Variants in CCDC197 observed in about 807,000 individuals in gnomAD.
The protein encoded by CCDC197 is coiled-coil domain containing 197, also known as uncharacterized protein CCDC197.
CCDC197 carries 24 observed loss-of-function variants against 13.4 expected under a neutral mutation model. The ratio of observed to expected loss-of-function variants is 1.80; its 90% CI spans 1.30 to 2.53. The LOEUF (loss-of-function observed/expected upper bound fraction) is 2.53, where lower values mean the gene tolerates loss of function less well. CCDC197 is among the 30% of genes most tolerant of loss of function. The pLI, the probability that CCDC197 is intolerant of heterozygous loss-of-function variation, is 0.00. For missense variants in CCDC197, 255 were observed against 148.8 expected (o/e 1.71, Z -3.71); for synonymous variants, 99 against 55.5 (o/e 1.78, Z -3.48).
rs1487571988 is a variant in CCDC197 at position 94,001,179 on chromosome 14, G to A, written c.222G>A (p.Leu74=). The change falls in exon 4 of 7, where the codon CTG becomes CTA. Residue 74 remains leucine (L), a synonymous_variant. Transcript: ENST00000636493. The stretch of plus-strand genomic sequence containing the variant: ...GATGGGAGGAGCCGGAGGAGGTGCT[G>A]GTGGAGGCCACGGTGAAGCACTACG... ...CTGWEEPEEV[L]VEATVKHYGK... is the part of the protein sequence containing the mutation. 1 of 780,592 alleles carries A rather than the reference G, an allele frequency of 1.3e-6. No individual in the cohort carries two copies. The highest frequency in any genetic ancestry group is 1.7e-5 in the Admixed American group (1 of 58,992). The allele number at this position is 780,592 out of a possible 1,614,324, so 48.4% of individuals were successfully genotyped here.
chr14:93,993,486 C>T (rs1413278480), upstream of CCDC197, among the ~76,000 whole-genome samples: 6 of 152,226 alleles, frequency 3.9e-5, no homozygotes, highest in Non-Finnish European at 7.3e-5. Context: ...AACTGAAACT[C>T]AGAGAGGTCA....
At position 94,004,876 on chromosome 14, in the gene CCDC197, C is replaced by A. The variant is rs1180012276; in HGVS notation, c.520C>A (p.Gln174Lys). The A allele has an allele frequency of 2.8e-5, 20 of 702,892 alleles. No homozygotes were observed. The African/African-American group carries it at 3.3e-4, about 12-fold the overall frequency. The allele number at this position is 702,892 out of a possible 1,614,324, so 43.5% of individuals were successfully genotyped here. The part of the protein sequence containing the change: ...SYNDQLLGYM[Q>K]MTITNMARQC... ...GCAGGATCAGCTGCTCGGCTACATG[C>A]AAATGACCATCACCAACATGGCCCG... Residue 174 changes from glutamine (Q) to lysine (K), a missense_variant, in exon 6 of 7, where the codon CAA (glutamine) becomes AAA (lysine). Coordinates refer to ENST00000636493, the MANE Select transcript of CCDC197 (RefSeq NM_001351596.2).
chr14:94,001,152 G>C lies in CCDC197; in HGVS notation c.195G>C (p.Thr65=), dbSNP rs144080241. 1.3e-3 allele frequency: 1,036 copies of C among 778,638 alleles called. 3 individuals carry two copies. Among genetic ancestry groups the C allele is most frequent in the Non-Finnish European group, 2.1e-3 (863 of 417,100 alleles). The allele number at this position is 778,638 out of a possible 1,614,324, so 48.2% of individuals were successfully genotyped here. A position where few individuals can be genotyped will look rare whatever the true frequency, so the allele number is the denominator to read the frequency against. The change falls in exon 4 of 7, where the codon ACG becomes ACC. Residue 65 remains threonine, a synonymous_variant. Transcript: ENST00000636493. ...ATGGCGCTGTCTCCGTAGGCTGCAC[G>C]GGATGGGAGGAGCCGGAGGAGGTGC... ...KVLEKIPEGC[T]GWEEPEEVLV...
chr14:94,001,480 T>C, intron 4 of CCDC197, 157 bp downstream of exon 4: 1 of 548,800 alleles, frequency 1.8e-6, no homozygotes, highest in Non-Finnish European at 3.2e-6. Context: ...CCGCCTTCCA[T>C]ATCCCCTTCC....
At chr14:94,004,401 G>C (rs1226663508) in intron 5 of CCDC197, among the ~76,000 whole-genome samples, 1 of 152,216 alleles carries the variant, frequency 6.6e-6, no homozygotes, top group Non-Finnish European at 1.5e-5. Flanking sequence ...GGAAGACGAG[G>C]CTTGGGGGCT....
upstream of CCDC197, among the ~76,000 whole-genome samples, chr14:93,993,802 C>T (rs898874349): frequency 6.6e-6 from 1 of 152,196 alleles, no homozygotes; most frequent in African/African-American, 2.4e-5. Flanking sequence ...CCCAAGATTC[C>T]CAGCTGCCTG....
chr14:93,999,541 C>T (rs371062720), intron 2 of CCDC197, 42 bp from the exon 3 acceptor site: 1 of 779,306 alleles, frequency 1.3e-6, no homozygotes, highest in African/African-American at 1.7e-5. Context: ...TCCTGCGTGA[C>T]CTGGGAGCCT....
chr14:93,987,609 G>A (rs956420306), intron 1 of CCDC197, among the ~76,000 whole-genome samples: 1 of 152,168 alleles, frequency 6.6e-6, no homozygotes, highest in African/African-American at 2.4e-5. Context: ...GTTGGTGTGG[G>A]CACTGGGCCA....
At chr14:93,996,400 GC>G (rs1890306690), upstream of CCDC197, among the ~76,000 whole-genome samples, 2 of 152,064 alleles carry the variant, frequency 1.3e-5, no homozygotes, top group Non-Finnish European at 2.9e-5. Context: ...CCAAACCCCT[GC>G]CCCTGCCCCT....
intron 2 of CCDC197, 187 bp from the exon 3 acceptor site, chr14:93,999,396 T>A (rs1320466090): frequency 1.7e-5 from 10 of 576,852 alleles, no homozygotes; most frequent in Non-Finnish European, 3.1e-5. Flanking sequence ...TGCTTGTGGC[T>A]CAGTTTGCTC....
intron 6 of CCDC197, chr14:94,007,262 G>C (rs1267353782): frequency 6.6e-6 from 1 of 152,196 alleles, no homozygotes; most frequent in East Asian, 1.9e-4. Flanking sequence ...TTGCTCTACT[G>C]TTTAGGTCTG....
rs554746045 is a variant in CCDC197, at chr14:94,008,611, G to A, written c.618G>A (p.Glu206=). ...DLFSKLDLIK[E]FMLDKMETVR... ...GAGAGATTTATTTTCCCTCCCAGGA[G>A]TTCATGTTGGACAAAATGGAGACTG... is the stretch of plus-strand genomic sequence containing the variant. Residue 206 remains glutamate (E), a splice_region_variant and synonymous_variant, in exon 7 of 7, where the codon GAG becomes GAA. Coordinates refer to ENST00000636493, the MANE Select transcript of CCDC197 (RefSeq NM_001351596.2). 5 of 700,964 alleles carry A rather than the reference G, an allele frequency of 7.1e-6. No homozygotes were observed. Among genetic ancestry groups the A allele is most frequent in the Middle Eastern group, 2.3e-4 (1 of 4,362 alleles). The allele number at this position is 700,964 out of a possible 1,614,324, so 43.4% of individuals were successfully genotyped here. A position where few individuals can be genotyped will look rare whatever the true frequency, so the allele number is the denominator to read the frequency against.
chr14:93,996,176 A>G (rs1387853008), upstream of CCDC197, among the ~76,000 whole-genome samples: 1 of 151,508 alleles, frequency 6.6e-6, no homozygotes, highest in Non-Finnish European at 1.5e-5. Flanking sequence ...CTCCCTCTGC[A>G]TCCACGTCCC....
intron 1 of CCDC197, among the ~76,000 whole-genome samples, chr14:93,988,133 T>G (rs1475819687): frequency 2.3e-5 from 1 of 42,812 alleles, no homozygotes; most frequent in Non-Finnish European, 4.6e-5. Flanking sequence ...GGAGGAAAAG[T>G]GAGTGGTAGG....
intron 3 of CCDC197, among the ~76,000 whole-genome samples, chr14:94,000,500 C>A (rs1015360992): frequency 3.3e-5 from 5 of 152,096 alleles, no homozygotes; most frequent in African/African-American, 1.2e-4. Flanking sequence ...CAAATGGGTG[C>A]AGCAAAGGAG....
chr14:93,997,939 G>T (rs1425253226), intron 1 of CCDC197, 60 bp from the exon 2 acceptor site: 2 of 594,212 alleles, frequency 3.4e-6, no homozygotes, highest in Non-Finnish European at 6.0e-6. Context: ...ATCCAGTCCT[G>T]CCAGATGACC....
chr14:93,999,477 G>C, intron 2 of CCDC197, 106 bp from the exon 3 acceptor site: 2 of 729,546 alleles, frequency 2.7e-6, no homozygotes, highest in Non-Finnish European at 5.0e-6. Flanking sequence ...GGCCGGCCCA[G>C]TGCACGTCCA....
downstream of CCDC197, among the ~76,000 whole-genome samples, chr14:94,011,272 C>T (rs1250678605): frequency 3.3e-5 from 5 of 152,230 alleles, no homozygotes; most frequent in African/African-American, 4.8e-5. Context: ...TTCGAGGGCT[C>T]TATGTCATTC....
intron 6 of CCDC197, among the ~76,000 whole-genome samples, chr14:94,006,294 A>G (rs1890676656): frequency 6.6e-6 from 1 of 151,802 alleles, no homozygotes; most frequent in African/African-American, 2.4e-5. Context: ...GGCCATGTGT[A>G]TCTCTCCTTT....
Sources: gnomAD v4.1 joint callset for allele counts (sites outside exome capture counted in the v4.1 genomes callset) on GRCh38, gnomAD v4.1.1 for gene constraint, MANE v1.5 for transcripts, NCBI Gene and HGNC (gene_info 2026-07-23, HGNC 2026-07-21) for gene names.